The following BLTP2 variants were observed in gnomAD, a reference collection of about 807,000 sequenced individuals.
The protein encoded by BLTP2 is U937-associated antigen.
the BLTP2 span, chr17:28,616,147 G>T: frequency 6.2e-7 from 1 of 1,614,198 alleles, no homozygotes; most frequent in Non-Finnish European, 8.5e-7. The surrounding 1 kb of genome is among the most constrained non-coding windows in gnomAD (Gnocchi z 4.8). Context: ...AGATGAAGGA[G>T]TTGTTCATGG....
the BLTP2 span, chr17:28,618,976 A>G: frequency 6.8e-6 from 11 of 1,611,636 alleles, no homozygotes; most frequent in African/African-American, 1.3e-5. Flanking sequence ...AAACACCTGT[A>G]AGTGGACAGG....
At chr17:28,638,456 T>G in the BLTP2 span, 1 of 1,605,108 alleles carries the variant, frequency 6.2e-7, no homozygotes, top group East Asian at 2.2e-5. Context: ...GGAGCCACTG[T>G]GGCCATCAAT....
the BLTP2 span, among the ~76,000 whole-genome samples, chr17:28,623,092 A>C: frequency 1.3e-5 from 2 of 152,114 alleles, no homozygotes; most frequent in African/African-American, 2.4e-5. Context: ...AACAAACAAA[A>C]AAAACAAAAC....
the BLTP2 span, chr17:28,632,324 G>C: frequency 7.6e-7 from 1 of 1,321,758 alleles, no homozygotes; most frequent in Non-Finnish European, 1.0e-6. Context: ...AGGTTGTAGA[G>C]GTTTAAAAAT....
At chr17:28,624,057 G>T in the BLTP2 span, 1 of 1,400,420 alleles carries the variant, frequency 7.1e-7, no homozygotes, top group East Asian at 2.3e-5. Flanking sequence ...GTCTAATGCT[G>T]GCTTACCAAG....
the BLTP2 span, among the ~76,000 whole-genome samples, chr17:28,627,186 A>C: frequency 2.0e-5 from 3 of 152,086 alleles, no homozygotes; most frequent in Non-Finnish European, 4.4e-5. Flanking sequence ...AATAGAAAAA[A>C]CACTTTTGAG....
chr17:28,635,104 A>T, the BLTP2 span: 4 of 1,612,500 alleles, frequency 2.5e-6, no homozygotes, highest in African/African-American at 1.3e-5. Context: ...CTGATAAGGA[A>T]ACTCCACCGA....
At chr17:28,617,500 C>T in the BLTP2 span, 2 of 523,188 alleles carry the variant, frequency 3.8e-6, no homozygotes, top group African/African-American at 3.8e-5. Context: ...CACTATTGTC[C>T]AGGACACTAA....
At chr17:28,637,038 G>A in the BLTP2 span, 1 of 1,614,196 alleles carries the variant, frequency 6.2e-7, no homozygotes, top group Non-Finnish European at 8.5e-7. Flanking sequence ...AGGGATGTCA[G>A]GGGCCTTGCA....
the BLTP2 span, chr17:28,638,059 G>A: frequency 1.2e-6 from 2 of 1,614,196 alleles, no homozygotes; most frequent in Non-Finnish European, 1.7e-6. Context: ...TATCTGACTG[G>A]GTGCTGGACA....
the BLTP2 span, among the ~76,000 whole-genome samples, chr17:28,627,084 A>G: frequency 6.6e-6 from 1 of 152,236 alleles, no homozygotes; most frequent in Admixed American, 6.5e-5. Context: ...ACTGGTGTCC[A>G]CTGCAGAATT....
At chr17:28,640,705 G>T in the BLTP2 span, 11 of 1,612,030 alleles carry the variant, frequency 6.8e-6, no homozygotes, top group Admixed American at 6.7e-5. Flanking sequence ...AATGAATAAC[G>T]TAAGAACCAT....
the BLTP2 span, chr17:28,640,438 T>C: frequency 9.8e-7 from 1 of 1,020,824 alleles, no homozygotes; most frequent in Non-Finnish European, 1.5e-6. Flanking sequence ...TACATGGATG[T>C]AACCATTTCT....
the BLTP2 span, chr17:28,621,357 TCTG>T: frequency 1.9e-6 from 3 of 1,540,126 alleles, no homozygotes; most frequent in Admixed American, 5.0e-5. Flanking sequence ...GGGATGCACA[TCTG>T]CTCCTAATCA....
the BLTP2 span, chr17:28,639,895 A>G: frequency 2.5e-6 from 4 of 1,614,126 alleles, no homozygotes; most frequent in South Asian, 2.2e-5. Context: ...ACCCCGACCC[A>G]TGAACCTTCC....
the BLTP2 span, chr17:28,621,506 A>C: frequency 3.5e-5 from 57 of 1,609,630 alleles, 1 homozygote; most frequent in Non-Finnish European, 1.4e-5. Flanking sequence ...CACCTGAAGA[A>C]AGAGATGCAG....
chr17:28,642,233 C>T, the BLTP2 span: 1 of 1,608,466 alleles, frequency 6.2e-7, no homozygotes, highest in South Asian at 1.1e-5. Context: ...CACTTTACGC[C>T]CAGGAGGAAA....
At chr17:28,618,796 T>C in the BLTP2 span, 13 of 1,613,124 alleles carry the variant, frequency 8.1e-6, no homozygotes, top group Non-Finnish European at 1.1e-5. Flanking sequence ...GATACCTTGC[T>C]GTAGAGGAAC....
At chr17:28,626,668 A>C in the BLTP2 span, among the ~76,000 whole-genome samples, 1 of 152,136 alleles carries the variant, frequency 6.6e-6, no homozygotes, top group East Asian at 1.9e-4. Context: ...CTCCATTAAA[A>C]ACCCAAAAGG....
Sources: allele counts gnomAD v4.1 joint callset (sites outside exome capture counted in the v4.1 genomes callset), GRCh38; gene constraint gnomAD v4.1.1; non-coding constraint Gnocchi (gnomAD v3.1); transcripts MANE v1.5; gene names NCBI Gene and HGNC (gene_info 2026-07-23, HGNC 2026-07-21).